KIAA1958: variants seen among roughly 807,000 people sequenced by gnomAD.
The protein encoded by KIAA1958 is uncharacterized protein KIAA1958.
In KIAA1958, 14 loss-of-function variants were observed where a neutral mutation model predicts 47.2. The observed-to-expected ratio is 0.30, with a 90% CI of 0.20 to 0.46. The LOEUF (loss-of-function observed/expected upper bound fraction) is 0.46. Ranked by LOEUF, KIAA1958 falls within the 20% of genes least tolerant of loss-of-function variation. The probability of loss-of-function intolerance (pLI) is 1.00; values close to 1 mark genes in which losing one functional copy is unlikely to be tolerated. For missense variants in KIAA1958, 803 were observed against 909.2 expected, an observed-to-expected ratio of 0.88 and a Z score of 1.50; for synonymous variants, 354 against 353.3, an observed-to-expected ratio of 1.00 and a Z score of -0.02.
chr9:112,497,220 G>A (rs1834062344), intron 1 of KIAA1958, among the ~76,000 whole-genome samples: 1 of 152,138 alleles, frequency 6.6e-6, no homozygotes, highest in African/African-American at 2.4e-5. Context: ...AAATTCATAT[G>A]TTGAAGCCCC....
Position 112,575,119 on chromosome 9 carries a change from C to T in KIAA1958, c.1039C>T (p.Pro347Ser), listed in dbSNP as rs1205131493. 3 of 1,607,354 alleles carry T rather than the reference C, an allele frequency of 1.9e-6. No individual in the cohort carries two copies. In the Admixed American group the frequency reaches 5.0e-5, roughly 27 times the overall value. ...VASEEFLSHL[P>S]SQVSSCEVAL... ...CTCTGAAGAGTTCCTGTCCCATCTG[C>T]CCAGCCAGGTCTCCTCCTGTGAGGT... is the stretch of plus-strand genomic sequence containing the variant. The change falls in exon 2 of 4, where the codon CCC becomes TCC. Residue 347 changes from proline (P) to serine (S), a missense_variant. Pro to Ser is a moderately conservative substitution (Grantham distance 74, BLOSUM62 -1). Coordinates refer to ENST00000337530, the MANE Select transcript of KIAA1958 (RefSeq NM_133465.4).
At chr9:112,516,478 T>C (rs779864194) in intron 1 of KIAA1958, among the ~76,000 whole-genome samples, 2 of 152,228 alleles carry the variant, frequency 1.3e-5, no homozygotes, top group Non-Finnish European at 1.5e-5. Context: ...AGTCGAGATA[T>C]ACTGTTTTTA....
At chr9:112,495,742 A>G (rs1477441735) in intron 1 of KIAA1958, among the ~76,000 whole-genome samples, 2 of 152,220 alleles carry the variant, frequency 1.3e-5, no homozygotes, top group South Asian at 2.1e-4. Flanking sequence ...CATTGCTCCA[A>G]ACTGAAATCT....
intron 2 of KIAA1958, among the ~76,000 whole-genome samples, chr9:112,594,837 C>T (rs765102269): frequency 7.9e-5 from 12 of 152,184 alleles, no homozygotes; most frequent in Non-Finnish European, 1.8e-4. Flanking sequence ...TGACATTTTA[C>T]ATTCCCACCA....
intron 3 of KIAA1958, among the ~76,000 whole-genome samples, chr9:112,652,828 C>G (rs1837086059): frequency 6.6e-6 from 1 of 152,018 alleles, no homozygotes; most frequent in African/African-American, 2.4e-5. Context: ...CACCATGTTG[C>G]CCGGGCTGGT....
intron 1 of KIAA1958, among the ~76,000 whole-genome samples, chr9:112,551,093 A>C (rs147525133): frequency 0.013 from 1,847 of 144,608 alleles, 33 homozygotes; most frequent in African/African-American, 0.045. Flanking sequence ...CTGTTTTACT[A>C]TGAGTTTTTA....
intron 1 of KIAA1958, among the ~76,000 whole-genome samples, chr9:112,568,878 A>G (rs1835477413): frequency 1.4e-5 from 1 of 73,778 alleles, no homozygotes. Flanking sequence ...ACACAGCAAG[A>G]CCTTGTCTCA....
chr9:112,666,988 T>A lies in KIAA1958; in HGVS notation c.*6919T>A, dbSNP rs1044825704. 1 of 152,184 alleles carries A rather than the reference T, an allele frequency of 6.6e-6. No individual in the cohort carries two copies. The highest frequency in any genetic ancestry group is 1.5e-5 in the Non-Finnish European group (1 of 68,042). The allele number at this position is 152,184 out of a possible 1,614,324, so 9.4% of individuals were successfully genotyped here. On this transcript the variant is annotated 3_prime_UTR_variant, in exon 4 of 4. Coordinates refer to ENST00000337530, the MANE Select transcript of KIAA1958 (RefSeq NM_133465.4). Reference sequence around the variant, plus strand: ...GGTGGCATCCCAAGAATAAAGCCCTTTAGGTGAAGGTAGAAACAATAAATA... The same window carrying A: ...GGTGGCATCCCAAGAATAAAGCCCTATAGGTGAAGGTAGAAACAATAAATA...
intron 1 of KIAA1958, among the ~76,000 whole-genome samples, chr9:112,538,058 G>A (rs1297910466): frequency 6.6e-6 from 1 of 152,048 alleles, no homozygotes. Context: ...CAGGTTGCAC[G>A]GGTGGCTCAC....
chr9:112,530,731 G>T (rs1170814590), intron 1 of KIAA1958, among the ~76,000 whole-genome samples: 1 of 152,166 alleles, frequency 6.6e-6, no homozygotes. Context: ...ATTTATGGTT[G>T]CCAGTAGCTG....
At chr9:112,555,896 A>G (rs1282746853) in intron 1 of KIAA1958, among the ~76,000 whole-genome samples, 11 of 148,602 alleles carry the variant, frequency 7.4e-5, no homozygotes, top group Non-Finnish European at 1.2e-4. Context: ...CCAACATGGT[A>G]AAACCCCGTC....
rs898111543 is a variant in KIAA1958 at position 112,663,796 on chromosome 9, G to A, written c.*3727G>A. 6.6e-6 allele frequency: 1 copy of A among 152,190 alleles called. No individual in the cohort carries two copies. The highest frequency in any genetic ancestry group is 1.5e-5 in the Non-Finnish European group (1 of 68,030). 9.4% of individuals were successfully genotyped at this position (152,190 alleles called of 1,614,324 possible). The stretch of plus-strand genomic sequence containing the variant: ...ATTAATTTGCCCTGGCTGATAAATG[G>A]TGTTTGAAGAAATGTGAAATTTTGT... On this transcript the variant is annotated 3_prime_UTR_variant, in exon 4 of 4. Transcript: ENST00000337530.
At chr9:112,565,426 T>C (rs1392564994) in intron 1 of KIAA1958, among the ~76,000 whole-genome samples, 1 of 152,174 alleles carries the variant, frequency 6.6e-6, no homozygotes, top group African/African-American at 2.4e-5. Flanking sequence ...TTTAATCAAG[T>C]GTCACTTGAT....
At chr9:112,643,459 G>A (rs1375949280) in intron 2 of KIAA1958, among the ~76,000 whole-genome samples, 2 of 152,166 alleles carry the variant, frequency 1.3e-5, no homozygotes, top group African/African-American at 4.8e-5. Flanking sequence ...ATCAATTAGT[G>A]CTACGTATAA....
chr9:112,503,990 A>G (rs1220011690), intron 1 of KIAA1958, among the ~76,000 whole-genome samples: 1 of 151,834 alleles, frequency 6.6e-6, no homozygotes, highest in African/African-American at 2.4e-5. Context: ...TAATAAGCAT[A>G]ATTAAAAACG....
At chr9:112,589,073 C>T (rs1835876164) in intron 2 of KIAA1958, among the ~76,000 whole-genome samples, 1 of 152,168 alleles carries the variant, frequency 6.6e-6, no homozygotes, top group Non-Finnish European at 1.5e-5. Flanking sequence ...AGCCACCGTG[C>T]CCAGCTCTCT....
At chr9:112,530,794 A>ACC (rs2132810622) in intron 1 of KIAA1958, among the ~76,000 whole-genome samples, 1 of 152,338 alleles carries the variant, frequency 6.6e-6, no homozygotes, top group Non-Finnish European at 1.5e-5. Context: ...TCTGAGTGGT[A>ACC]AGATTGCTTA....
chr9:112,512,515 A>G, intron 1 of KIAA1958, among the ~76,000 whole-genome samples: 1 of 152,232 alleles, frequency 6.6e-6, no homozygotes, highest in Non-Finnish European at 1.5e-5. Context: ...AACCTGATAA[A>G]GGCATGTGTG....
At chr9:112,503,522 A>G (rs1482979380) in intron 1 of KIAA1958, among the ~76,000 whole-genome samples, 2 of 148,456 alleles carry the variant, frequency 1.3e-5, no homozygotes, top group African/African-American at 2.5e-5. Flanking sequence ...GGTCGTGCAT[A>G]CCTGTAGTCC....
Sources: gnomAD v4.1 joint callset for allele counts (sites outside exome capture counted in the v4.1 genomes callset) on GRCh38, gnomAD v4.1.1 for gene constraint, MANE v1.5 for transcripts, NCBI Gene and HGNC (gene_info 2026-07-23, HGNC 2026-07-21) for gene names.